The following PTPRT variants were observed in gnomAD, a reference collection of about 807,000 sequenced individuals.
The protein encoded by PTPRT is receptor-type tyrosine-protein phosphatase T.
A neutral mutation model predicts 176.8 loss-of-function variants in PTPRT; 56 were observed. That is an observed-to-expected ratio of 0.32 (90% CI 0.26 to 0.40). PTPRT has a LOEUF of 0.40. Among genes scored for constraint, PTPRT ranks in the 10% least tolerant of loss-of-function variants. The pLI, the probability that PTPRT is intolerant of heterozygous loss-of-function variation, is 1.00. For missense variants in PTPRT, 1,540 were observed against 1,908.2 expected, an observed-to-expected ratio of 0.81 and a Z score of 3.60; for synonymous variants, 783 against 739.0, an observed-to-expected ratio of 1.06 and a Z score of -0.96.
chr20:42,697,214 A>G (rs2075894045), intron 6 of PTPRT, among the ~76,000 whole-genome samples: 1 of 152,222 alleles, frequency 6.6e-6, no homozygotes, highest in African/African-American at 2.4e-5. Context: ...GGTGAAGCTT[A>G]GAAAGTAGGC....
At chr20:42,289,187 C>T (rs187001715) in intron 12 of PTPRT, among the ~76,000 whole-genome samples, 11 of 151,970 alleles carry the variant, frequency 7.2e-5, no homozygotes, top group South Asian at 2.1e-4. Flanking sequence ...AGAAAACCTA[C>T]GAAATACTCT....
chr20:42,804,845 T>G (rs561436705), intron 2 of PTPRT, among the ~76,000 whole-genome samples: 1 of 152,324 alleles, frequency 6.6e-6, no homozygotes, highest in African/African-American at 2.4e-5. Context: ...TCTCCATTTG[T>G]TAAGGAAAAA....
chr20:42,896,528 G>C (rs961302199), intron 1 of PTPRT, among the ~76,000 whole-genome samples: 2 of 151,858 alleles, frequency 1.3e-5, no homozygotes, highest in East Asian at 3.9e-4. Context: ...CCAGCTACTC[G>C]GGAGGCTGAC....
At chr20:42,491,592 G>A (rs1367996489) in intron 7 of PTPRT, among the ~76,000 whole-genome samples, 8 of 152,016 alleles carry the variant, frequency 5.3e-5, no homozygotes, top group African/African-American at 1.4e-4. Flanking sequence ...TTCTTCTCCC[G>A]TCCGTCTGCC....
chr20:43,095,504 A>G (rs2012096390), intron 1 of PTPRT, among the ~76,000 whole-genome samples: 1 of 151,856 alleles, frequency 6.6e-6, no homozygotes, highest in Admixed American at 6.6e-5. Flanking sequence ...GTGGCTGGAC[A>G]TGTCTGCATG....
intron 7 of PTPRT, among the ~76,000 whole-genome samples, chr20:42,651,113 T>G (rs932137737): frequency 6.6e-6 from 1 of 150,796 alleles, no homozygotes; most frequent in Admixed American, 6.6e-5. Flanking sequence ...TTATAAAGGG[T>G]TCTATAAACA....
At chr20:42,321,756 C>A (rs937651531) in intron 11 of PTPRT, among the ~76,000 whole-genome samples, 2 of 152,136 alleles carry the variant, frequency 1.3e-5, no homozygotes, top group Admixed American at 1.3e-4. Context: ...CCATACTAGA[C>A]ACATAATGGT....
At chr20:42,499,108 C>T (rs2071703436) in intron 7 of PTPRT, among the ~76,000 whole-genome samples, 1 of 152,044 alleles carries the variant, frequency 6.6e-6, no homozygotes, top group Admixed American at 6.6e-5. Context: ...AGGAGATACT[C>T]ATGACATTTG....
At chr20:42,225,427 C>T (rs977243463) in intron 15 of PTPRT, among the ~76,000 whole-genome samples, 6 of 152,132 alleles carry the variant, frequency 3.9e-5, no homozygotes, top group Non-Finnish European at 8.8e-5. Context: ...AAAACTGAAC[C>T]TCAGAGGGTT....
chr20:42,357,322 C>T (rs888497808), intron 9 of PTPRT, among the ~76,000 whole-genome samples: 7 of 152,112 alleles, frequency 4.6e-5, no homozygotes, highest in Non-Finnish European at 7.4e-5. Context: ...ATTTTCTGGC[C>T]TTTCATAGAA....
At chr20:43,006,462 T>G (rs998902588) in intron 1 of PTPRT, among the ~76,000 whole-genome samples, 21 of 152,184 alleles carry the variant, frequency 1.4e-4, no homozygotes, top group Admixed American at 9.8e-4. Flanking sequence ...CCAGTTCTCC[T>G]GTATCTGCCT....
intron 11 of PTPRT, among the ~76,000 whole-genome samples, chr20:42,321,580 G>A (rs369666235): frequency 6.6e-6 from 1 of 152,104 alleles, no homozygotes; most frequent in East Asian, 1.9e-4. Context: ...CCAGTATTCT[G>A]AGTCGTTGTA....
intron 1 of PTPRT, among the ~76,000 whole-genome samples, chr20:43,046,508 G>A (rs1476403030): frequency 6.6e-6 from 1 of 151,402 alleles, no homozygotes; most frequent in Non-Finnish European, 1.5e-5. Flanking sequence ...GGCGGAGCTT[G>A]CAGTGAGCCT....
intron 1 of PTPRT, among the ~76,000 whole-genome samples, chr20:43,050,913 G>A (rs1383316030): frequency 1.3e-5 from 2 of 152,192 alleles, no homozygotes; most frequent in African/African-American, 4.8e-5. Flanking sequence ...TCTAAGATGA[G>A]AAAGTGACCC....
chr20:42,590,099 G>A (rs2073542893), intron 7 of PTPRT, among the ~76,000 whole-genome samples: 1 of 152,074 alleles, frequency 6.6e-6, no homozygotes, highest in Non-Finnish European at 1.5e-5. Context: ...TTTGCTCTTG[G>A]AGCCCAGCCA....
rs74591104 is a variant in PTPRT, at chr20:43,061,140, C to T, written c.88+128506G>A. Reference sequence around the variant, plus strand: ...GATGGATGGTCAGTCAGGGTACCTACTTCAGCATGAGGCTCACAATAAGCA... The same window carrying T: ...GATGGATGGTCAGTCAGGGTACCTATTTCAGCATGAGGCTCACAATAAGCA... On this transcript the variant is annotated intron_variant, in intron 1 of 30. Coordinates refer to ENST00000373187, the MANE Select transcript of PTPRT (RefSeq NM_007050.6). Among the ~76,000 whole-genome samples, 909 of 151,262 alleles carry T rather than the reference C, an allele frequency of 6.0e-3. 11 individuals are homozygous for T. Among genetic ancestry groups the T allele is most frequent in the African/African-American group, 0.021 (844 of 41,150 alleles).
At chr20:42,055,606 G>C in the PTPRT span, among the ~76,000 whole-genome samples, 1 of 152,110 alleles carries the variant, frequency 6.6e-6, no homozygotes, top group Non-Finnish European at 1.5e-5. Context: ...TGGGGTGGAG[G>C]GGTCCTGTGC....
intron 2 of PTPRT, among the ~76,000 whole-genome samples, chr20:42,807,743 C>G (rs941934922): frequency 6.6e-6 from 1 of 152,192 alleles, no homozygotes; most frequent in Non-Finnish European, 1.5e-5. Flanking sequence ...CTTCCACTCC[C>G]TTATATCCAT....
At chr20:42,844,636 C>T (rs935830829) in intron 2 of PTPRT, among the ~76,000 whole-genome samples, 3 of 152,184 alleles carry the variant, frequency 2.0e-5, no homozygotes, top group Non-Finnish European at 2.9e-5. Flanking sequence ...ACTTCCCCCA[C>T]ATGACAATGG....
Sources: gnomAD v4.1 joint callset for allele counts (sites outside exome capture counted in the v4.1 genomes callset) on GRCh38, gnomAD v4.1.1 for gene constraint, MANE v1.5 for transcripts, NCBI Gene and HGNC (gene_info 2026-07-23, HGNC 2026-07-21) for gene names.